Variants in TMC1 observed in about 807,000 individuals in gnomAD.
The protein encoded by TMC1 is transmembrane channel-like protein 1.
TMC1 carries 84 observed loss-of-function variants against 105.8 expected under a neutral mutation model. That is an observed-to-expected ratio of 0.79 (90% CI 0.67 to 0.95). The LOEUF is 0.95. TMC1 is among the 40% of genes least tolerant of loss of function. The probability of loss-of-function intolerance (pLI) is 0.00; values close to 1 mark genes in which losing one functional copy is unlikely to be tolerated. For missense variants in TMC1, 817 were observed against 914.1 expected (o/e 0.89, Z 1.37); for synonymous variants, 315 against 311.5 (o/e 1.01, Z -0.12).
intron 2 of TMC1, among the ~76,000 whole-genome samples, chr9:72,614,005 G>A (rs1825079960): frequency 6.6e-6 from 1 of 152,110 alleles, no homozygotes; most frequent in African/African-American, 2.4e-5. Flanking sequence ...AGGAAAGGAT[G>A]GTAACTGATA....
chr9:72,824,996 T>C (rs531338629), intron 20 of TMC1, among the ~76,000 whole-genome samples: 1 of 152,364 alleles, frequency 6.6e-6, no homozygotes, highest in East Asian at 1.9e-4. Flanking sequence ...TAAAATTATA[T>C]TGTGAGACTG....
chr9:72,585,024 A>C (rs1824532515), intron 2 of TMC1, among the ~76,000 whole-genome samples: 1 of 151,596 alleles, frequency 6.6e-6, no homozygotes, highest in African/African-American at 2.4e-5. Flanking sequence ...ACCTCAAGTG[A>C]TCTGCACACC....
At chr9:72,671,779 G>C (rs1337796350) in intron 5 of TMC1, among the ~76,000 whole-genome samples, 1 of 151,302 alleles carries the variant, frequency 6.6e-6, no homozygotes, top group Non-Finnish European at 1.5e-5. Context: ...TTTTTAAAAA[G>C]AAAAAAAATC....
chr9:72,730,991 C>T (rs547918101), intron 8 of TMC1, among the ~76,000 whole-genome samples: 14 of 152,328 alleles, frequency 9.2e-5, no homozygotes, highest in African/African-American at 2.9e-4. Flanking sequence ...TTCACTCACT[C>T]GCCCACCACT....
At chr9:72,637,164 G>A (rs1317717169) in intron 4 of TMC1, among the ~76,000 whole-genome samples, 1 of 151,744 alleles carries the variant, frequency 6.6e-6, no homozygotes, top group East Asian at 1.9e-4. Context: ...ACCAGTGTCA[G>A]CCAATGTGTT....
chr9:72,549,196 A>G (rs980194225), intron 1 of TMC1, among the ~76,000 whole-genome samples: 3 of 152,218 alleles, frequency 2.0e-5, no homozygotes, highest in African/African-American at 4.8e-5. Context: ...ATTCCTATCA[A>G]AGGTAATCAT....
intron 5 of TMC1, among the ~76,000 whole-genome samples, chr9:72,658,857 G>T (rs1464194796): frequency 6.6e-6 from 1 of 152,168 alleles, no homozygotes; most frequent in Non-Finnish European, 1.5e-5. Context: ...ATAAATCATA[G>T]AGTGAAGATT....
At chr9:72,671,357 A>G (rs746681226) in intron 5 of TMC1, among the ~76,000 whole-genome samples, 33 of 152,218 alleles carry the variant, frequency 2.2e-4, no homozygotes, top group Non-Finnish European at 4.4e-4. Flanking sequence ...GTGCCAGGGA[A>G]GAACAGAGTG....
At chr9:72,607,002 T>TATATAGAGAGAGAGAGAG (rs372785242) in intron 2 of TMC1, among the ~76,000 whole-genome samples, 2,643 of 134,672 alleles carry the variant, frequency 0.02, 45 homozygotes, top group Non-Finnish European at 0.031. Context: ...TATATATATA[T>TATATAGAGAGAGAGAGAG]AGAGAGAGAG....
At chr9:72,568,445 G>T (rs1313016270) in intron 1 of TMC1, among the ~76,000 whole-genome samples, 4 of 152,088 alleles carry the variant, frequency 2.6e-5, no homozygotes, top group Non-Finnish European at 5.9e-5. Flanking sequence ...ATTGCTTCAG[G>T]CTCTTCTGTT....
chr9:72,693,636 G>C (rs991895690), intron 6 of TMC1, among the ~76,000 whole-genome samples: 1 of 152,052 alleles, frequency 6.6e-6, no homozygotes, highest in Non-Finnish European at 1.5e-5. Context: ...ATTTAAGAGA[G>C]TAATGATAAC....
At chr9:72,761,360 C>A (rs1038716877) in intron 12 of TMC1, among the ~76,000 whole-genome samples, 13 of 152,152 alleles carry the variant, frequency 8.5e-5, no homozygotes, top group Non-Finnish European at 1.3e-4. Context: ...CAGCTGATAT[C>A]AGACAGTGAG....
In TMC1 at chr9:72,590,725, C is replaced by CAA. The variant is rs35644617; in HGVS notation, c.-306+12704_-306+12705dup. The stretch of plus-strand genomic sequence containing the variant: ...GTAAAGTGGCACCTGTGATGAGTCA[C>CAA]AAAGGGGAGGTATATGAGAAAGTGT... On this transcript the variant is annotated intron_variant, in intron 2 of 23. Coordinates refer to ENST00000297784, the MANE Select transcript of TMC1 (RefSeq NM_138691.3). Among the ~76,000 whole-genome samples the CAA allele has an allele frequency of 5.4e-4, 82 of 152,158 alleles. No individual in the cohort carries two copies. The East Asian group carries it at 0.015, about 29-fold the overall frequency.
At chr9:72,783,407 G>C (rs1415449382) in intron 13 of TMC1, among the ~76,000 whole-genome samples, 7 of 152,144 alleles carry the variant, frequency 4.6e-5, no homozygotes, top group African/African-American at 1.7e-4. Context: ...TGATATCCAA[G>C]AGCAGGAGGA....
chr9:72,766,036 C>A (rs1827828252), intron 12 of TMC1, among the ~76,000 whole-genome samples: 1 of 152,156 alleles, frequency 6.6e-6, no homozygotes, highest in African/African-American at 2.4e-5. Context: ...TCATCCTGAA[C>A]CTTGTAGTTG....
chr9:72,816,374 C>T (rs1335901877), intron 19 of TMC1, among the ~76,000 whole-genome samples, 164 bp downstream of exon 19: 1 of 152,144 alleles, frequency 6.6e-6, no homozygotes, highest in African/African-American at 2.4e-5. Context: ...TCTTTCATAT[C>T]TTAAATGTCA....
intron 8 of TMC1, among the ~76,000 whole-genome samples, chr9:72,703,378 C>T (rs796529680): frequency 9.2e-5 from 14 of 152,298 alleles, no homozygotes; most frequent in African/African-American, 3.4e-4. Context: ...CTTCCTACCT[C>T]AGCCTCCCAA....
intron 18 of TMC1, among the ~76,000 whole-genome samples, chr9:72,808,276 C>G (rs1228540480): frequency 6.6e-6 from 1 of 152,168 alleles, no homozygotes; most frequent in Non-Finnish European, 1.5e-5. Context: ...TGCTCAAACA[C>G]AAGATGGTCC....
intron 10 of TMC1, among the ~76,000 whole-genome samples, chr9:72,751,510 G>A (rs1413371270): frequency 6.6e-6 from 1 of 152,218 alleles, no homozygotes; most frequent in East Asian, 1.9e-4. Context: ...TCAGTTATCA[G>A]TATTAACTCA....
Sources: gnomAD v4.1 joint callset for allele counts (sites outside exome capture counted in the v4.1 genomes callset) on GRCh38, gnomAD v4.1.1 for gene constraint, MANE v1.5 for transcripts, NCBI Gene and HGNC (gene_info 2026-07-23, HGNC 2026-07-21) for gene names.